The following TM2D1 variants were observed in gnomAD, a reference collection of about 807,000 sequenced individuals.
TM2D1 encodes the protein TM2 domain-containing protein 1.
A neutral mutation model predicts 28.4 loss-of-function variants in TM2D1; 15 were observed. That is an observed-to-expected ratio of 0.53 (90% CI 0.35 to 0.81). The LOEUF is 0.81. TM2D1 is among the 40% of genes least tolerant of loss of function. TM2D1 has a pLI of 0.01. For synonymous variants in TM2D1, 93 were observed against 96.2 expected (o/e 0.97, Z 0.20); for missense variants, 236 against 254.9 (o/e 0.93, Z 0.50).
intron 2 of TM2D1, among the ~76,000 whole-genome samples, chr1:61,719,264 G>A (rs76627391): frequency 0.012 from 1,832 of 152,172 alleles, 14 homozygotes; most frequent in Non-Finnish European, 0.02. Flanking sequence ...AGCCCAGGCT[G>A]GTCTAGAACT....
At chr1:61,711,159 G>A (rs949021936) in intron 2 of TM2D1, among the ~76,000 whole-genome samples, 22 of 151,784 alleles carry the variant, frequency 1.4e-4, no homozygotes, top group Non-Finnish European at 4.4e-5. Flanking sequence ...GCAACATGGC[G>A]AAAACCCATC....
chr1:61,683,373 A>G lies in TM2D1; in HGVS notation c.*19+44T>C, dbSNP rs1007495919. ...AAAATTCTCATAATTTTATATGAAT[A>G]ATATACCACTATAAGATATTACATA... On this transcript the variant is annotated intron_variant, in intron 6 of 6. Coordinates refer to ENST00000606498, the MANE Select transcript of TM2D1 (RefSeq NM_032027.3). 6.5e-6 allele frequency: 4 copies of G among 615,882 alleles called. No individual in the cohort carries two copies. The African/African-American group carries it at 7.8e-5, about 12-fold the overall frequency. The allele number at this position is 615,882 out of a possible 1,614,324, so 38.2% of individuals were successfully genotyped here. A position where few individuals can be genotyped will look rare whatever the true frequency, so the allele number is the denominator to read the frequency against.
At chr1:61,721,036 A>C (rs1644559702) in intron 2 of TM2D1, among the ~76,000 whole-genome samples, 1 of 151,954 alleles carries the variant, frequency 6.6e-6, no homozygotes, top group Admixed American at 6.6e-5. Context: ...CCTAGGCAAC[A>C]TGGTACATCC....
intron 5 of TM2D1, among the ~76,000 whole-genome samples, chr1:61,688,261 T>C (rs1644297471): frequency 6.6e-6 from 1 of 152,206 alleles, no homozygotes; most frequent in Admixed American, 6.5e-5. Context: ...AAAAAAAATC[T>C]ACCCACAGGG....
At chr1:61,714,267 G>C (rs1215959324) in intron 2 of TM2D1, among the ~76,000 whole-genome samples, 1 of 150,162 alleles carries the variant, frequency 6.7e-6, no homozygotes, top group African/African-American at 2.4e-5. Context: ...CCCTGGATGG[G>C]CGCAGTGGCT....
At chr1:61,720,372 G>T (rs1557541295) in intron 2 of TM2D1, among the ~76,000 whole-genome samples, 1 of 151,986 alleles carries the variant, frequency 6.6e-6, no homozygotes, top group Non-Finnish European at 1.5e-5. Context: ...CTCCCAAGTT[G>T]CTGGGACTAC....
At chr1:61,697,442 T>G (rs1570104946) in intron 4 of TM2D1, 2 of 152,128 alleles carry the variant, frequency 1.3e-5, no homozygotes. Flanking sequence ...TGGCCTCAAC[T>G]GATCCTCCTG....
intron 2 of TM2D1, among the ~76,000 whole-genome samples, chr1:61,711,504 G>T (rs1394919627): frequency 6.6e-6 from 1 of 151,546 alleles, no homozygotes; most frequent in African/African-American, 2.4e-5. Context: ...TAAAATAATT[G>T]GTCAGGCATG....
intron 2 of TM2D1, among the ~76,000 whole-genome samples, chr1:61,715,582 T>A (rs988722720): frequency 1.2e-4 from 14 of 119,384 alleles, no homozygotes; most frequent in Non-Finnish European, 1.9e-4. Flanking sequence ...CGAGAGGCAG[T>A]GGTTGCAGTG....
intron 5 of TM2D1, 169 bp downstream of exon 5, chr1:61,694,528 T>C (rs1233330189): frequency 8.8e-6 from 4 of 452,168 alleles, no homozygotes; most frequent in African/African-American, 4.1e-5. Context: ...GTTTGAGAAA[T>C]GCTAGTTGGA....
Position 61,700,944 on chromosome 1 carries a change from G to A in TM2D1, c.429C>T (p.Tyr143=), listed in dbSNP as rs1644396472. ...WLGADRFYLG[Y]PALGLLKFCT... ...ATGAAACATACGCACCCAAAGCAGGGTATCCAAGGTAAAATCGATCTGCTC... is the reference window on the plus strand; with the variant it reads ...ATGAAACATACGCACCCAAAGCAGGATATCCAAGGTAAAATCGATCTGCTC... Residue 143 remains tyrosine (Y), a synonymous_variant, in exon 4 of 7, where the codon TAC becomes TAT. Transcript: ENST00000606498. 6.2e-7 allele frequency: 1 copy of A among 1,606,060 alleles called. No individual in the cohort carries two copies. The highest frequency in any genetic ancestry group is 1.1e-5 in the South Asian group (1 of 89,060).
intron 5 of TM2D1, 126 bp downstream of exon 5, chr1:61,694,571 G>T: frequency 1.7e-6 from 1 of 579,038 alleles, no homozygotes; most frequent in Non-Finnish European, 2.9e-6. Flanking sequence ...TCTAGTACAT[G>T]AAGAAAAATG....
At chr1:61,686,788 A>C (rs1214568531) in intron 5 of TM2D1, 3 of 969,604 alleles carry the variant, frequency 3.1e-6, no homozygotes, top group Non-Finnish European at 3.7e-6. Flanking sequence ...ATAAAATTAC[A>C]AACCTTTTAA....
At chr1:61,692,853 T>C (rs1644338921) in intron 5 of TM2D1, among the ~76,000 whole-genome samples, 1 of 149,768 alleles carries the variant, frequency 6.7e-6, no homozygotes, top group Non-Finnish European at 1.5e-5. Context: ...AAATGTCTTA[T>C]TTAGGGGAAT....
At chr1:61,704,593 G>C (rs774753683) in intron 3 of TM2D1, among the ~76,000 whole-genome samples, 1 of 151,688 alleles carries the variant, frequency 6.6e-6, no homozygotes, top group African/African-American at 2.4e-5. Flanking sequence ...CACCACTCCC[G>C]GCTAATGTTT....
rs377496404 is a variant in TM2D1 at position 61,709,700 on chromosome 1, C to T, written c.239-263G>A. 2.2e-4 allele frequency among the ~76,000 whole-genome samples: 33 copies of T among 152,296 alleles called. No individual in the cohort carries two copies. In the South Asian group the frequency reaches 5.0e-3, roughly 23 times the overall value. On this transcript the variant is annotated intron_variant, in intron 2 of 6. Coordinates refer to ENST00000606498, the MANE Select transcript of TM2D1 (RefSeq NM_032027.3). ...CATGGCCAATCTATAATTCAATCTC[C>T]TGCCTCTGATAAAGGTACCAAGGGA...
intron 2 of TM2D1, among the ~76,000 whole-genome samples, chr1:61,716,514 T>TA (rs1453599427): frequency 6.9e-6 from 1 of 145,926 alleles, no homozygotes; most frequent in African/African-American, 2.5e-5. Flanking sequence ...TAATTTTATA[T>TA]ATGTATATAA....
chr1:61,699,103 G>C (rs1644384199), intron 4 of TM2D1: 1 of 152,150 alleles, frequency 6.6e-6, no homozygotes, highest in Non-Finnish European at 1.5e-5. Flanking sequence ...AGCACTTTGG[G>C]AGGCTGAGGT....
intron 5 of TM2D1, among the ~76,000 whole-genome samples, chr1:61,692,124 C>G (rs1267158219): frequency 6.6e-6 from 1 of 150,738 alleles, no homozygotes; most frequent in Non-Finnish European, 1.5e-5. Flanking sequence ...GGACTGTATT[C>G]TATGTATTAT....
Sources: gnomAD v4.1 joint callset for allele counts (sites outside exome capture counted in the v4.1 genomes callset) on GRCh38, gnomAD v4.1.1 for gene constraint, MANE v1.5 for transcripts, NCBI Gene and HGNC (gene_info 2026-07-23, HGNC 2026-07-21) for gene names.